The following ADK variants were observed in gnomAD, a reference collection of about 807,000 sequenced individuals.
ADK encodes adenosine kinase, also known as N6,N6-dimethyladenosine kinase.
A neutral mutation model predicts 44.7 loss-of-function variants in ADK; 24 were observed. The ratio of observed to expected loss-of-function variants is 0.54; its 90% CI spans 0.39 to 0.76. The LOEUF (loss-of-function observed/expected upper bound fraction) is 0.76. Ranked by LOEUF, ADK falls within the 30% of genes least tolerant of loss-of-function variation. The pLI, the probability that ADK is intolerant of heterozygous loss-of-function variation, is 0.00. For synonymous variants in ADK, 128 were observed against 142.6 expected (o/e 0.90, Z 0.73); for missense variants, 321 against 425.1 (o/e 0.76, Z 2.15).
intron 6 of ADK, among the ~76,000 whole-genome samples, chr10:74,442,765 G>C (rs1404383314): frequency 1.3e-5 from 2 of 152,210 alleles, no homozygotes; most frequent in African/African-American, 2.4e-5. Flanking sequence ...TACCCTAGGA[G>C]TCTGTCAACA....
At chr10:74,467,055 A>G (rs1297547159) in intron 6 of ADK, among the ~76,000 whole-genome samples, 1 of 152,178 alleles carries the variant, frequency 6.6e-6, no homozygotes, top group African/African-American at 2.4e-5. Flanking sequence ...ACAGAAGGAA[A>G]AGATAATAAT....
chr10:74,481,479 A>C (rs951334454), intron 6 of ADK, among the ~76,000 whole-genome samples: 1 of 151,262 alleles, frequency 6.6e-6, no homozygotes, highest in East Asian at 1.9e-4. Context: ...CATTTCTTTG[A>C]TGGTTGCATT....
chr10:74,368,844 T>C (rs969846223), intron 4 of ADK, among the ~76,000 whole-genome samples: 6 of 152,092 alleles, frequency 3.9e-5, no homozygotes, highest in Admixed American at 3.9e-4. Context: ...GCCAGGCTGG[T>C]CTCAAACTCC....
At chr10:74,363,627 T>C (rs1201685994) in intron 4 of ADK, among the ~76,000 whole-genome samples, 1 of 151,480 alleles carries the variant, frequency 6.6e-6, no homozygotes, top group Non-Finnish European at 1.5e-5. Flanking sequence ...GTAGACCCTG[T>C]AGACAAGATA....
At chr10:74,373,161 A>G (rs932758430) in intron 4 of ADK, among the ~76,000 whole-genome samples, 2 of 152,114 alleles carry the variant, frequency 1.3e-5, no homozygotes, top group East Asian at 3.8e-4. Context: ...ATATGCAAAA[A>G]TTAACTCAAA....
At chr10:74,266,580 A>G (rs1846224994) in intron 3 of ADK, among the ~76,000 whole-genome samples, 1 of 151,968 alleles carries the variant, frequency 6.6e-6, no homozygotes, top group South Asian at 2.1e-4. Context: ...AAGAAGAAAA[A>G]AAAAGGCACT....
At chr10:74,689,057 G>A (rs1855891407) in intron 10 of ADK, among the ~76,000 whole-genome samples, 1 of 152,084 alleles carries the variant, frequency 6.6e-6, no homozygotes, top group African/African-American at 2.4e-5. Flanking sequence ...AGACCATCCT[G>A]GCTAACATGG....
intron 4 of ADK, among the ~76,000 whole-genome samples, chr10:74,387,602 T>C (rs1843188279): frequency 6.6e-6 from 1 of 152,204 alleles, no homozygotes; most frequent in Non-Finnish European, 1.5e-5. Flanking sequence ...GACCAATTGA[T>C]ACTGCTACCT....
chr10:74,548,918 A>G (rs904955828), intron 7 of ADK, among the ~76,000 whole-genome samples: 3 of 152,222 alleles, frequency 2.0e-5, no homozygotes, highest in Non-Finnish European at 4.4e-5. Context: ...AAAACCTGGC[A>G]GAAGAATTTG....
At chr10:74,248,087 A>G (rs950351748) in intron 3 of ADK, among the ~76,000 whole-genome samples, 2 of 152,208 alleles carry the variant, frequency 1.3e-5, no homozygotes, top group Non-Finnish European at 2.9e-5. Context: ...GAAACTGCGT[A>G]ATTTTAATTC....
intron 10 of ADK, 115 bp from the exon 11 acceptor site, chr10:74,708,206 A>T: frequency 8.6e-7 from 1 of 1,162,344 alleles, no homozygotes; most frequent in Non-Finnish European, 1.3e-6. Flanking sequence ...ACTTTCTCTT[A>T]CTGTCAAGGC....
intron 1 of ADK, among the ~76,000 whole-genome samples, chr10:74,198,051 A>C (rs369600736): frequency 5.9e-5 from 9 of 152,368 alleles, no homozygotes; most frequent in African/African-American, 2.2e-4. Context: ...ACAAACGGTG[A>C]TAAAAAGGGT....
chr10:74,409,622 C>A (rs1844092006), intron 6 of ADK, among the ~76,000 whole-genome samples: 1 of 151,898 alleles, frequency 6.6e-6, no homozygotes, highest in South Asian at 2.1e-4. Context: ...CTGTCTTGAC[C>A]ACTTATATCT....
Position 74,450,070 on chromosome 10 carries a change from C to G in ADK, c.555+51491C>G, listed in dbSNP as rs575350801. On this transcript the variant is annotated intron_variant, in intron 6 of 10. Transcript: ENST00000539909. ...TCTGTAATCCCAGCACTTCAGGAGG[C>G]TGAGGTGGGAGGTCAGTTGAGGCCA... Among the ~76,000 whole-genome samples the G allele has an allele frequency of 2.9e-4, 44 of 152,198 alleles. No individual in the cohort carries two copies. In the South Asian group the frequency reaches 3.5e-3, roughly 12 times the overall value.
chr10:74,670,295 A>G, intron 10 of ADK, 26 bp downstream of exon 10: 1 of 1,560,162 alleles, frequency 6.4e-7, no homozygotes, highest in Non-Finnish European at 8.8e-7. Flanking sequence ...TTTCATTCTT[A>G]CTTACAAGTA....
chr10:74,630,657 C>T (rs1215824907), intron 9 of ADK, among the ~76,000 whole-genome samples: 2 of 152,090 alleles, frequency 1.3e-5, no homozygotes, highest in Non-Finnish European at 2.9e-5. Context: ...ATTCACTTTA[C>T]TTGGTTAAAG....
chr10:74,268,653 T>A (rs1047303360), intron 3 of ADK, among the ~76,000 whole-genome samples: 1 of 152,222 alleles, frequency 6.6e-6, no homozygotes, highest in Non-Finnish European at 1.5e-5. Flanking sequence ...CTTTGCTATA[T>A]GTTTTAAATT....
At chr10:74,677,965 CA>C (rs3037448) in intron 10 of ADK, among the ~76,000 whole-genome samples, 99 of 43,054 alleles carry the variant, frequency 2.3e-3, no homozygotes, top group African/African-American at 9.1e-3. Flanking sequence ...CCAGTCTCTA[CA>C]AAAAAAAAAA....
chr10:74,511,209 C>G (rs1218004598), intron 6 of ADK, among the ~76,000 whole-genome samples: 1 of 152,126 alleles, frequency 6.6e-6, no homozygotes, highest in African/African-American at 2.4e-5. Flanking sequence ...CTATGCCTTT[C>G]CATTGGTCTA....
Sources: gnomAD v4.1 joint callset for allele counts (sites outside exome capture counted in the v4.1 genomes callset) on GRCh38, gnomAD v4.1.1 for gene constraint, MANE v1.5 for transcripts, NCBI Gene and HGNC (gene_info 2026-07-23, HGNC 2026-07-21) for gene names.